SRBD1: variants seen among roughly 807,000 people sequenced by gnomAD.
The protein encoded by SRBD1 is S1 RNA-binding domain-containing protein 1.
SRBD1 carries 88 observed loss-of-function variants against 115.3 expected under a neutral mutation model. The observed-to-expected ratio is 0.76, with a 90% confidence interval of 0.64 to 0.91. The LOEUF (loss-of-function observed/expected upper bound fraction) is 0.91. Ranked by LOEUF, SRBD1 falls within the 40% of genes least tolerant of loss-of-function variation. The pLI is 0.00. For synonymous variants in SRBD1, 509 were observed against 407.7 expected (o/e 1.25, Z -2.99); for missense variants, 1,385 against 1,177.4 (o/e 1.18, Z -2.58).
intron 16 of SRBD1, among the ~76,000 whole-genome samples, chr2:45,423,601 T>C (rs144884276): frequency 3.3e-5 from 5 of 152,228 alleles, no homozygotes; most frequent in South Asian, 2.1e-4. Flanking sequence ...TACAGTTTCA[T>C]TGGTGAATTC....
intron 14 of SRBD1, among the ~76,000 whole-genome samples, chr2:45,502,209 C>T (rs1015612035): frequency 6.6e-6 from 1 of 152,230 alleles, no homozygotes; most frequent in Non-Finnish European, 1.5e-5. Context: ...CAAACTCCAA[C>T]AGACCTGCAG....
chr2:45,510,050 C>G (rs375465830), intron 14 of SRBD1, among the ~76,000 whole-genome samples: 1 of 152,192 alleles, frequency 6.6e-6, no homozygotes, highest in Non-Finnish European at 1.5e-5. Flanking sequence ...TTTTTTCAAA[C>G]ACCTATTTCA....
chr2:45,476,884 C>A (rs1488955883), intron 16 of SRBD1, 109 bp downstream of exon 16: 3 of 966,274 alleles, frequency 3.1e-6, no homozygotes, highest in Non-Finnish European at 4.8e-6. Context: ...AACTGTATAA[C>A]CTTGAAAATG....
intron 9 of SRBD1, among the ~76,000 whole-genome samples, chr2:45,565,218 T>C (rs1382555394): frequency 2.0e-5 from 3 of 152,182 alleles, no homozygotes; most frequent in Non-Finnish European, 4.4e-5. Context: ...AGATTCCCAC[T>C]TCCCAATTTC....
chr2:45,481,963 G>A (rs1314049485), intron 15 of SRBD1, among the ~76,000 whole-genome samples: 3 of 152,226 alleles, frequency 2.0e-5, no homozygotes, highest in Admixed American at 1.3e-4. Flanking sequence ...TGGGTGGTGA[G>A]TGAAGACAGT....
At chr2:45,490,020 T>A (rs576555100) in intron 14 of SRBD1, among the ~76,000 whole-genome samples, 131 of 152,270 alleles carry the variant, frequency 8.6e-4, no homozygotes, top group African/African-American at 3.1e-3. Flanking sequence ...CTTGAGGACA[T>A]ACAGGAGTCA....
At chr2:45,423,448 G>T (rs1360591952) in intron 16 of SRBD1, among the ~76,000 whole-genome samples, 1 of 152,080 alleles carries the variant, frequency 6.6e-6, no homozygotes, top group Non-Finnish European at 1.5e-5. Flanking sequence ...CAGATACATG[G>T]TAGGAGAATA....
chr2:45,542,110 G>C (rs1326283332), intron 14 of SRBD1, among the ~76,000 whole-genome samples: 2 of 152,208 alleles, frequency 1.3e-5, no homozygotes, highest in Non-Finnish European at 2.9e-5. Context: ...CTGTAGGCCT[G>C]TGCCAAGCTG....
intron 8 of SRBD1, among the ~76,000 whole-genome samples, 166 bp downstream of exon 8, chr2:45,574,456 ACTTTT>A (rs1673115454): frequency 6.6e-6 from 1 of 152,132 alleles, no homozygotes; most frequent in Non-Finnish European, 1.5e-5. Flanking sequence ...AAACAACTTT[ACTTTT>A]ATCTGTTTTA....
At chr2:45,592,610 A>C (rs1240699046) in intron 4 of SRBD1, among the ~76,000 whole-genome samples, 1 of 152,068 alleles carries the variant, frequency 6.6e-6, no homozygotes, top group Non-Finnish European at 1.5e-5. Context: ...TTGGAGGAGG[A>C]GGCAAAAACT....
chr2:45,458,880 A>C (rs1669228860), intron 16 of SRBD1, among the ~76,000 whole-genome samples: 1 of 152,162 alleles, frequency 6.6e-6, no homozygotes, highest in Non-Finnish European at 1.5e-5. Flanking sequence ...TATGTAAACT[A>C]TGACGTTTTG....
intron 14 of SRBD1, among the ~76,000 whole-genome samples, chr2:45,518,839 A>G (rs908661940): frequency 1.3e-5 from 2 of 152,124 alleles, no homozygotes; most frequent in African/African-American, 4.8e-5. Context: ...AACAATTTAC[A>G]AACTGCCAAA....
rs576265285 is a variant in SRBD1, at chr2:45,423,442, T to C, written c.2050-3548A>G. Among the ~76,000 whole-genome samples the C allele has an allele frequency of 6.1e-4, 93 of 152,256 alleles. 2 individuals are homozygous for C. Among genetic ancestry groups the C allele is most frequent in the Middle Eastern group, 3.4e-3 (1 of 294 alleles). On this transcript the variant is annotated intron_variant, in intron 16 of 20. Transcript: ENST00000263736. ...ATTGTTCCATATACATTAAACCAGA[T>C]ACATGGTAGGAGAATAAAAAATGGA...
Position 45,551,761 on chromosome 2 carries a change from GA to G in SRBD1, c.1518-480del, listed in dbSNP as rs538076647. Among the ~76,000 whole-genome samples, 85 of 152,152 alleles carry G rather than the reference GA, an allele frequency of 5.6e-4. No individual in the cohort carries two copies. In the South Asian group the frequency reaches 7.3e-3, roughly 13 times the overall value. Reference sequence around the variant, plus strand: ...AACAGCGAGACAGAAGTAGAGGCAAGAAAAAAACAGATCACAAAGGGTCATG... The same window carrying G: ...AACAGCGAGACAGAAGTAGAGGCAAGAAAAAACAGATCACAAAGGGTCATG... On this transcript the variant is annotated intron_variant, in intron 11 of 20. Coordinates refer to ENST00000263736, the MANE Select transcript of SRBD1 (RefSeq NM_018079.5).
intron 14 of SRBD1, among the ~76,000 whole-genome samples, chr2:45,527,063 T>A (rs1418031928): frequency 6.6e-6 from 1 of 151,936 alleles, no homozygotes; most frequent in Non-Finnish European, 1.5e-5. Flanking sequence ...GTAGCTTTAA[T>A]CTGAAAAGCA....
At chr2:45,593,664 T>C (rs1216770572) in intron 4 of SRBD1, among the ~76,000 whole-genome samples, 1 of 152,242 alleles carries the variant, frequency 6.6e-6, no homozygotes, top group Non-Finnish European at 1.5e-5. Context: ...AATGACTCTC[T>C]AATGAGTGAA....
intron 10 of SRBD1, among the ~76,000 whole-genome samples, chr2:45,558,345 G>A (rs1049521490): frequency 5.3e-5 from 8 of 152,106 alleles, no homozygotes; most frequent in Non-Finnish European, 1.0e-4. Flanking sequence ...CCTTAGATAC[G>A]TTTTTATTTA....
rs190564709 is a variant in SRBD1 at position 45,446,774 on chromosome 2, G to T, written c.2050-26880C>A. 6.0e-5 allele frequency among the ~76,000 whole-genome samples: 9 copies of T among 151,224 alleles called. No individual in the cohort carries two copies. The East Asian group carries it at 1.7e-3, about 29-fold the overall frequency. ...CTTCCAAAAATTAAAAACATAGGTC[G>T]CTCTCAAAGGAATGAGCATCAGACT... is the stretch of plus-strand genomic sequence containing the variant. On this transcript the variant is annotated intron_variant, in intron 16 of 20. Transcript: ENST00000263736.
chr2:45,562,906 G>C (rs1225283009), intron 9 of SRBD1, 150 bp from the exon 10 acceptor site: 6 of 491,378 alleles, frequency 1.2e-5, no homozygotes, highest in Non-Finnish European at 1.8e-5. Flanking sequence ...CTTTTTTCAA[G>C]TAACATACCT....
Sources: gnomAD v4.1 joint callset for allele counts (sites outside exome capture counted in the v4.1 genomes callset) on GRCh38, gnomAD v4.1.1 for gene constraint, MANE v1.5 for transcripts, NCBI Gene and HGNC (gene_info 2026-07-23, HGNC 2026-07-21) for gene names.